ANKRD11: variants seen among roughly 807,000 people sequenced by gnomAD.
ANKRD11 encodes the protein ankyrin repeat domain-containing protein 11.
In ANKRD11, 17 loss-of-function variants were observed where a neutral mutation model predicts 195.7. That is an observed-to-expected ratio of 0.09 (90% CI 0.06 to 0.13). The LOEUF (loss-of-function observed/expected upper bound fraction) is 0.13, where lower values mean the gene tolerates loss of function less well. Ranked by LOEUF, ANKRD11 falls within the 10% of genes least tolerant of loss-of-function variation. ANKRD11 has a pLI of 1.00. For missense variants in ANKRD11, 3,735 were observed against 3,566.1 expected (o/e 1.05, Z -1.21); for synonymous variants, 1,953 against 1,528.1 (o/e 1.28, Z -6.49).
intron 2 of ANKRD11, among the ~76,000 whole-genome samples, chr16:89,406,065 G>A (rs1309982628): frequency 9.5e-5 from 13 of 136,638 alleles, no homozygotes; most frequent in Middle Eastern, 8.7e-3. Context: ...AACCAAGATC[G>A]CATAACTGCA....
Position 89,490,386 on chromosome 16 carries a change from A to G in ANKRD11, c.-286T>C. 1 of 201,630 alleles carries G rather than the reference A, an allele frequency of 5.0e-6. No homozygotes were observed. The highest frequency in any genetic ancestry group is 9.8e-6 in the Non-Finnish European group (1 of 101,702). The allele number at this position is 201,630 out of a possible 1,614,324, so 12.5% of individuals were successfully genotyped here. On this transcript the variant is annotated 5_prime_UTR_variant, in exon 1 of 13. Coordinates refer to ENST00000301030, the MANE Select transcript of ANKRD11 (RefSeq NM_013275.6). ...GCGGCGGCGCGGGCTCGGGCCCGGC[A>G]GAGCTGCGAGGGACGGCGGGAGGCG...
chr16:89,459,506 T>C (rs540261387), intron 1 of ANKRD11: 1 of 152,318 alleles, frequency 6.6e-6, no homozygotes, highest in Admixed American at 6.5e-5. Flanking sequence ...TCTTACAAGT[T>C]TTTTATTTCC....
chr16:89,474,115 A>G (rs1567855239), intron 1 of ANKRD11, among the ~76,000 whole-genome samples: 5 of 152,178 alleles, frequency 3.3e-5, no homozygotes, highest in Admixed American at 3.3e-4. Context: ...TCAGCAAGAG[A>G]TAACTTCTGC....
intron 2 of ANKRD11, among the ~76,000 whole-genome samples, chr16:89,352,890 C>G (rs1257632844): frequency 6.6e-6 from 1 of 152,200 alleles, no homozygotes; most frequent in East Asian, 1.9e-4. Flanking sequence ...ACGGCTTGTT[C>G]TACTTCACGG....
chr16:89,461,687 T>C (rs929480163), intron 1 of ANKRD11, among the ~76,000 whole-genome samples: 3 of 152,184 alleles, frequency 2.0e-5, no homozygotes, highest in African/African-American at 7.2e-5. Context: ...GAAAAGCTCA[T>C]AGAATTACTA....
At chr16:89,368,990 T>C (rs567638620) in intron 2 of ANKRD11, among the ~76,000 whole-genome samples, 3 of 152,190 alleles carry the variant, frequency 2.0e-5, no homozygotes, top group Admixed American at 6.5e-5. Flanking sequence ...AAGGGTTGCA[T>C]AGAGACTTGG....
At chr16:89,425,824 G>A (rs1361194456) in intron 1 of ANKRD11, among the ~76,000 whole-genome samples, 1 of 152,136 alleles carries the variant, frequency 6.6e-6, no homozygotes, top group Admixed American at 6.5e-5. Context: ...GCCTGAGGAG[G>A]AACTAGAAGG....
At chr16:89,475,845 T>C (rs377036193) in intron 1 of ANKRD11, among the ~76,000 whole-genome samples, 1 of 150,748 alleles carries the variant, frequency 6.6e-6, no homozygotes, top group East Asian at 1.9e-4. Context: ...AGGTGAGGAG[T>C]TCAAGACCAG....
chr16:89,419,315 T>C (rs1454025387), intron 1 of ANKRD11, among the ~76,000 whole-genome samples: 1 of 151,842 alleles, frequency 6.6e-6, no homozygotes, highest in East Asian at 1.9e-4. Context: ...TAACCAGGTG[T>C]GGTGGCTTGT....
At chr16:89,269,534 C>T (rs1046046329) in intron 12 of ANKRD11, among the ~76,000 whole-genome samples, 1 of 151,954 alleles carries the variant, frequency 6.6e-6, no homozygotes, top group Non-Finnish European at 1.5e-5. Flanking sequence ...TTTGGATGTT[C>T]CAAACTCCGG....
intron 3 of ANKRD11, among the ~76,000 whole-genome samples, chr16:89,315,049 A>T (rs942295506): frequency 4.6e-5 from 7 of 151,424 alleles, no homozygotes; most frequent in Non-Finnish European, 8.8e-5. Context: ...CACCCACATC[A>T]CCCGTGTGAA....
intron 2 of ANKRD11, among the ~76,000 whole-genome samples, chr16:89,387,869 G>C (rs1158795031): frequency 6.6e-6 from 1 of 151,522 alleles, no homozygotes; most frequent in African/African-American, 2.4e-5. Context: ...GCCAGGCGTG[G>C]TGGTGGGTGG....
chr16:89,486,486 T>C lies in ANKRD11; in HGVS notation c.-145+3759A>G, dbSNP rs866127408. Among the ~76,000 whole-genome samples, 15 of 151,400 alleles carry C rather than the reference T, an allele frequency of 9.9e-5. 1 individual carries two copies. The highest frequency in any genetic ancestry group is 6.6e-4 in the Admixed American group (10 of 15,202). On this transcript the variant is annotated intron_variant, in intron 1 of 12. Coordinates refer to ENST00000301030, the MANE Select transcript of ANKRD11 (RefSeq NM_013275.6). ...AAAGACTTACTAAAGGAAGTGATAT[T>C]ACACTAAGACGCAAAGGCTGAGTAG...
chr16:89,452,968 TAG>T (rs1178485292), intron 1 of ANKRD11, among the ~76,000 whole-genome samples: 1 of 152,046 alleles, frequency 6.6e-6, no homozygotes, highest in Non-Finnish European at 1.5e-5. Flanking sequence ...ATTTTCTAAA[TAG>T]AGACAGGGCC....
intron 2 of ANKRD11, among the ~76,000 whole-genome samples, chr16:89,402,898 T>A (rs1223755185): frequency 1.3e-5 from 2 of 151,960 alleles, no homozygotes; most frequent in African/African-American, 4.8e-5. Context: ...AGGAGCCCCA[T>A]CAGGGCCAGC....
At chr16:89,369,769 A>G (rs1277724314) in intron 2 of ANKRD11, among the ~76,000 whole-genome samples, 2 of 152,222 alleles carry the variant, frequency 1.3e-5, no homozygotes, top group Non-Finnish European at 2.9e-5. Context: ...GTCTAAGACC[A>G]GAGGGTTTCA....
chr16:89,382,433 C>A (rs1443349564), intron 2 of ANKRD11, among the ~76,000 whole-genome samples: 7 of 152,080 alleles, frequency 4.6e-5, no homozygotes, highest in Non-Finnish European at 7.4e-5. Context: ...TCAAGCAATT[C>A]TCCTGCCTCG....
chr16:89,365,635 T>TG (rs1406183684), intron 2 of ANKRD11, among the ~76,000 whole-genome samples: 2 of 152,214 alleles, frequency 1.3e-5, no homozygotes. Flanking sequence ...GGAAGAGCAG[T>TG]AAGCCAAGTA....
intron 2 of ANKRD11, among the ~76,000 whole-genome samples, chr16:89,346,122 G>A (rs746621181): frequency 3.3e-5 from 5 of 151,638 alleles, no homozygotes; most frequent in Admixed American, 6.6e-5. Flanking sequence ...GGTGCCGGGC[G>A]CTTGTAATCC....
Sources: gnomAD v4.1 joint callset for allele counts (sites outside exome capture counted in the v4.1 genomes callset) on GRCh38, gnomAD v4.1.1 for gene constraint, MANE v1.5 for transcripts, NCBI Gene and HGNC (gene_info 2026-07-23, HGNC 2026-07-21) for gene names.